Variants in SLC67A2 observed in about 807,000 individuals in gnomAD.
The protein encoded by SLC67A2 is solute carrier family 67 member A2.
chr2:102,732,412 A>G, the SLC67A2 span: 1 of 1,603,178 alleles, frequency 6.2e-7, no homozygotes. Flanking sequence ...AACAAATCCT[A>G]AAACAAAATA....
chr2:102,733,575 C>G, the SLC67A2 span, among the ~76,000 whole-genome samples: 1 of 152,078 alleles, frequency 6.6e-6, no homozygotes, highest in South Asian at 2.1e-4. Context: ...TTCAATATTG[C>G]CATTACTTAA....
At chr2:102,726,797 T>A in the SLC67A2 span, 3 of 1,526,862 alleles carry the variant, frequency 2.0e-6, no homozygotes, top group South Asian at 2.6e-5. Flanking sequence ...ATATTGAGGT[T>A]CTGGGGGAAG....
chr2:102,731,777 T>C, the SLC67A2 span, among the ~76,000 whole-genome samples: 1 of 152,242 alleles, frequency 6.6e-6, no homozygotes, highest in Non-Finnish European at 1.5e-5. Flanking sequence ...GTTAGCATAG[T>C]CCTAAGCCCT....
chr2:102,718,606 G>C, the SLC67A2 span: 1 of 1,613,488 alleles, frequency 6.2e-7, no homozygotes, highest in Admixed American at 1.7e-5. Context: ...ACTGCCCCAC[G>C]CCAATAAGGG....
the SLC67A2 span, among the ~76,000 whole-genome samples, chr2:102,734,937 C>T: frequency 3.3e-5 from 5 of 152,304 alleles, no homozygotes; most frequent in East Asian, 9.7e-4. Flanking sequence ...AAGTCAAATT[C>T]TCTGAACCCT....
chr2:102,728,061 A>G, the SLC67A2 span, among the ~76,000 whole-genome samples: 1 of 152,174 alleles, frequency 6.6e-6, no homozygotes, highest in Non-Finnish European at 1.5e-5. Flanking sequence ...GATGTTGAGC[A>G]AGACCACAGA....
chr2:102,723,964 A>G, the SLC67A2 span: 1 of 1,443,446 alleles, frequency 6.9e-7, no homozygotes, highest in South Asian at 1.2e-5. Flanking sequence ...TAAGTATCTT[A>G]CTTATGATCC....
chr2:102,720,420 G>A, the SLC67A2 span, among the ~76,000 whole-genome samples: 1,629 of 152,248 alleles, frequency 0.011, 34 homozygotes, highest in African/African-American at 0.037. Context: ...AAATGATGAT[G>A]ATGATGGCAA....
chr2:102,734,335 G>A, the SLC67A2 span, among the ~76,000 whole-genome samples: 3 of 152,126 alleles, frequency 2.0e-5, no homozygotes, highest in Non-Finnish European at 4.4e-5. Context: ...TGAAATAATA[G>A]ATCTCATCAC....
At chr2:102,714,848 T>C in the SLC67A2 span, among the ~76,000 whole-genome samples, 2 of 152,214 alleles carry the variant, frequency 1.3e-5, no homozygotes, top group African/African-American at 4.8e-5. Flanking sequence ...CTCATGGCTT[T>C]TATTATGCAT....
chr2:102,724,982 CTA>C, the SLC67A2 span, among the ~76,000 whole-genome samples: 2 of 152,298 alleles, frequency 1.3e-5, no homozygotes, highest in African/African-American at 4.8e-5. Context: ...CGCAGGAATT[CTA>C]TGATTCTTTT....
At chr2:102,736,431 C>T in the SLC67A2 span, 16 of 1,331,550 alleles carry the variant, frequency 1.2e-5, no homozygotes, top group Non-Finnish European at 1.6e-5. Flanking sequence ...GAACGGGGTG[C>T]AAGAGAAAGC....
chr2:102,719,165 C>A, the SLC67A2 span: 1 of 1,613,988 alleles, frequency 6.2e-7, no homozygotes, highest in Non-Finnish European at 8.5e-7. Context: ...CTTCTCTGTA[C>A]TGCCCGGTTT....
At chr2:102,728,189 G>T in the SLC67A2 span, among the ~76,000 whole-genome samples, 1 of 152,162 alleles carries the variant, frequency 6.6e-6, no homozygotes, top group Non-Finnish European at 1.5e-5. Flanking sequence ...TATCAATGGA[G>T]CACTGTGTAA....
chr2:102,731,030 A>C, the SLC67A2 span: 3 of 1,613,680 alleles, frequency 1.9e-6, no homozygotes, highest in African/African-American at 2.7e-5. Context: ...CTTACCACCA[A>C]TGTGCTAGAA....
chr2:102,722,544 T>C, the SLC67A2 span, among the ~76,000 whole-genome samples: 13 of 152,176 alleles, frequency 8.5e-5, no homozygotes, highest in Non-Finnish European at 1.6e-4. Context: ...CCCTTTTAAA[T>C]TGCAACTAAA....
the SLC67A2 span, among the ~76,000 whole-genome samples, chr2:102,734,947 T>C: frequency 6.6e-6 from 1 of 152,236 alleles, no homozygotes; most frequent in South Asian, 2.1e-4. Context: ...CTCTGAACCC[T>C]AGTCTGGACT....
At chr2:102,718,404 T>A in the SLC67A2 span, 105 of 1,612,348 alleles carry the variant, frequency 6.5e-5, no homozygotes, top group African/African-American at 1.3e-3. Flanking sequence ...TGTTGCTTTA[T>A]GTTGTCCAAA....
the SLC67A2 span, chr2:102,730,915 C>T: frequency 1.4e-5 from 12 of 872,644 alleles, no homozygotes; most frequent in Non-Finnish European, 2.2e-5. Context: ...GTAGGAAGAA[C>T]ATATTACAAT....
Sources: gnomAD v4.1 joint callset for allele counts (sites outside exome capture counted in the v4.1 genomes callset) on GRCh38, gnomAD v4.1.1 for gene constraint, MANE v1.5 for transcripts, NCBI Gene and HGNC (gene_info 2026-07-23, HGNC 2026-07-21) for gene names.